ANKS1B: variants seen among roughly 807,000 people sequenced by gnomAD.
ANKS1B encodes the protein ankyrin repeat and sterile alpha motif domain-containing protein 1B.
Under a neutral mutation model 148.3 loss-of-function variants are expected in ANKS1B, and 36 were observed. The observed-to-expected ratio is 0.24, with a 90% CI of 0.19 to 0.32. The LOEUF (loss-of-function observed/expected upper bound fraction) is 0.32. Ranked by LOEUF, ANKS1B falls within the 10% of genes least tolerant of loss-of-function variation. The probability of loss-of-function intolerance (pLI) is 1.00; values close to 1 mark genes in which losing one functional copy is unlikely to be tolerated. For missense variants in ANKS1B, 1,157 were observed against 1,542.6 expected (o/e 0.75, Z 4.19); for synonymous variants, 542 against 560.8 (o/e 0.97, Z 0.47).
intron 17 of ANKS1B, among the ~76,000 whole-genome samples, chr12:98,960,194 A>T (rs7963048): frequency 0.38 from 57,360 of 152,046 alleles, 11,039 homozygotes; most frequent in Middle Eastern, 0.41. Context: ...TGCTGTGCTG[A>T]CTTCAGGTCT....
chr12:98,996,874 T>C (rs7953395), intron 17 of ANKS1B, among the ~76,000 whole-genome samples: 1 of 141,772 alleles, frequency 7.1e-6, no homozygotes, highest in African/African-American at 2.6e-5. Context: ...CACTTCCCAG[T>C]GTTTGTTGAT....
chr12:99,443,850 GT>G (rs752730651), intron 10 of ANKS1B, 41 bp from the exon 11 acceptor site: 11 of 1,558,012 alleles, frequency 7.1e-6, no homozygotes, highest in Non-Finnish European at 8.7e-6. Flanking sequence ...TAATCACTCA[GT>G]TTACCTTTTA....
chr12:99,905,217 C>T (rs1042575441), intron 1 of ANKS1B, among the ~76,000 whole-genome samples: 1 of 152,144 alleles, frequency 6.6e-6, no homozygotes, highest in Non-Finnish European at 1.5e-5. Context: ...AAGAAAGTGC[C>T]CTGTGGCCAT....
intron 17 of ANKS1B, among the ~76,000 whole-genome samples, chr12:98,915,581 G>A (rs2099793244): frequency 6.6e-6 from 1 of 152,088 alleles, no homozygotes; most frequent in African/African-American, 2.4e-5. Flanking sequence ...TCGAACTCCT[G>A]ATCTCAAGTG....
chr12:99,523,756 G>A (rs1304759344), intron 9 of ANKS1B, among the ~76,000 whole-genome samples: 3 of 152,112 alleles, frequency 2.0e-5, no homozygotes, highest in Admixed American at 2.0e-4. Flanking sequence ...GTCTCACCCT[G>A]TTAGCCAGGA....
At chr12:99,574,304 CT>C (rs1173028505) in intron 9 of ANKS1B, among the ~76,000 whole-genome samples, 1 of 151,834 alleles carries the variant, frequency 6.6e-6, no homozygotes, top group Non-Finnish European at 1.5e-5. Context: ...GTTGTAGAGT[CT>C]TTTTTTTCTG....
intron 17 of ANKS1B, among the ~76,000 whole-genome samples, chr12:98,939,177 T>A (rs977820358): frequency 6.6e-6 from 1 of 152,228 alleles, no homozygotes; most frequent in African/African-American, 2.4e-5. Flanking sequence ...TGAAGATGTT[T>A]TTGAGAAACC....
intron 15 of ANKS1B, among the ~76,000 whole-genome samples, chr12:99,141,214 C>A (rs748388240): frequency 2.6e-5 from 4 of 152,114 alleles, no homozygotes; most frequent in Non-Finnish European, 5.9e-5. Context: ...CCCCACAAGT[C>A]ACCCTTTAGC....
At chr12:99,257,419 C>T (rs767527931) in intron 12 of ANKS1B, among the ~76,000 whole-genome samples, 13 of 151,994 alleles carry the variant, frequency 8.6e-5, no homozygotes, top group Non-Finnish European at 1.8e-4. Flanking sequence ...TTCTTCTGTG[C>T]ATAATCTGCT....
chr12:99,797,552 AAAAAC>A (rs954793111), intron 4 of ANKS1B, among the ~76,000 whole-genome samples: 9 of 151,680 alleles, frequency 5.9e-5, no homozygotes, highest in Non-Finnish European at 1.2e-4. Context: ...ATCATTTAAA[AAAAAC>A]AAAATTTCCA....
At chr12:99,447,289 A>G (rs2095651812) in intron 10 of ANKS1B, among the ~76,000 whole-genome samples, 1 of 152,030 alleles carries the variant, frequency 6.6e-6, no homozygotes, top group African/African-American at 2.4e-5. Flanking sequence ...TTAGACCTTC[A>G]TCTCACACTA....
chr12:99,507,685 C>A (rs144626141), intron 9 of ANKS1B, among the ~76,000 whole-genome samples: 51 of 151,900 alleles, frequency 3.4e-4, no homozygotes, highest in African/African-American at 1.1e-3. Flanking sequence ...GAAGGTGAGG[C>A]CCCCGCGGGA....
At chr12:99,365,934 A>G (rs2092740916) in intron 12 of ANKS1B, among the ~76,000 whole-genome samples, 1 of 152,254 alleles carries the variant, frequency 6.6e-6, no homozygotes, top group South Asian at 2.1e-4. Flanking sequence ...AATAAAAATC[A>G]ACAAATGAAA....
At chr12:99,212,645 T>A (rs2083507172) in intron 14 of ANKS1B, among the ~76,000 whole-genome samples, 1 of 152,250 alleles carries the variant, frequency 6.6e-6, no homozygotes, top group African/African-American at 2.4e-5. Context: ...GCATTGATGG[T>A]TTCTTTGTAA....
chr12:98,918,781 T>C (rs938090965), intron 17 of ANKS1B, among the ~76,000 whole-genome samples: 1 of 152,230 alleles, frequency 6.6e-6, no homozygotes, highest in Non-Finnish European at 1.5e-5. Context: ...ACCTTTTTAA[T>C]TGTTTAATTA....
intron 9 of ANKS1B, among the ~76,000 whole-genome samples, chr12:99,538,482 T>C (rs773646522): frequency 6.6e-6 from 1 of 152,118 alleles, no homozygotes; most frequent in Non-Finnish European, 1.5e-5. Context: ...CTTCTTTTCT[T>C]AATTCATTTG....
At chr12:99,822,355 G>A (rs1212801366) in intron 2 of ANKS1B, among the ~76,000 whole-genome samples, 1 of 152,104 alleles carries the variant, frequency 6.6e-6, no homozygotes, top group Non-Finnish European at 1.5e-5. Context: ...TTTAGATTCA[G>A]GGGATATATT....
chr12:99,429,942 C>T (rs909757816), intron 11 of ANKS1B, among the ~76,000 whole-genome samples: 4 of 150,422 alleles, frequency 2.7e-5, no homozygotes, highest in Admixed American at 6.7e-5. Flanking sequence ...CCAGCCTGGG[C>T]GACAGAGCAA....
chr12:99,809,218 T>C (rs1478954760), intron 3 of ANKS1B, among the ~76,000 whole-genome samples: 2 of 152,008 alleles, frequency 1.3e-5, no homozygotes, highest in Non-Finnish European at 2.9e-5. Flanking sequence ...CCCTTCCAGA[T>C]AATGGATGAT....
Sources: allele counts gnomAD v4.1 joint callset (sites outside exome capture counted in the v4.1 genomes callset), GRCh38; gene constraint gnomAD v4.1.1; transcripts MANE v1.5; gene names NCBI Gene and HGNC (gene_info 2026-07-23, HGNC 2026-07-21).